ERG: variants seen among roughly 807,000 people sequenced by gnomAD.
ERG encodes the protein ETS transcription factor ERG, also known as transcriptional regulator ERG.
Under a neutral mutation model 55.3 loss-of-function variants are expected in ERG, and 9 were observed. The ratio of observed to expected loss-of-function variants is 0.16; its 90% CI spans 0.10 to 0.28. The LOEUF is 0.28. Among genes scored for constraint, ERG ranks in the 10% least tolerant of loss-of-function variants. The probability of loss-of-function intolerance (pLI) is 1.00; values close to 1 mark genes in which losing one functional copy is unlikely to be tolerated. For missense variants in ERG, 434 were observed against 631.6 expected (o/e 0.69, Z 3.35); for synonymous variants, 223 against 237.3 (o/e 0.94, Z 0.55).
rs73440499 is a variant in ERG, at chr21:38,614,545, C to T, written c.-149-29600G>A. 3.2e-3 allele frequency among the ~76,000 whole-genome samples: 488 copies of T among 152,094 alleles called. 5 individuals are homozygous for T. Among genetic ancestry groups the T allele is most frequent in the African/African-American group, 0.011 (452 of 41,500 alleles). On this transcript the variant is annotated intron_variant, in intron 1 of 10. Coordinates refer to the ERG transcript ENST00000398910. ...AAGTTGGCAGGCAGTGGCTAGAAGG[C>T]GACTGGGATGGATGAATGGCTTCCT...
intron 2 of ERG, among the ~76,000 whole-genome samples, chr21:38,529,489 G>C (rs1222551946): frequency 1.3e-5 from 2 of 152,150 alleles, no homozygotes; most frequent in African/African-American, 2.4e-5. Context: ...AAACCCCTGA[G>C]TAAATGGTTA....
chr21:38,614,921 G>C lies in ERG; in HGVS notation c.-149-29976C>G, dbSNP rs1046032082. On this transcript the variant is annotated intron_variant, in intron 1 of 10. Transcript: ENST00000398910. ...TCTGGGGGAAGCCCAAGATTGTCCG[G>C]CTCTACTCAGCACAAATGTGTAAGT... Among the ~76,000 whole-genome samples, 4 of 152,204 alleles carry C rather than the reference G, an allele frequency of 2.6e-5. No individual in the cohort carries two copies. The East Asian group carries it at 5.8e-4, about 22-fold the overall frequency.
rs1387473610 is a variant in ERG, at chr21:38,383,320, C to T, written c.*83G>A. On this transcript the variant is annotated 3_prime_UTR_variant, in exon 10 of 10. Transcript: ENST00000288319. This position sits in a 1 kb window ranked among gnomAD's most constrained non-coding sequence, Gnocchi z 5.7. ...AAAGCTTTTTTCATTCCTCTTGAGG[C>T]ACTTTTGATTCATGTTCTCCGATAG... 5.9e-6 allele frequency: 8 copies of T among 1,357,538 alleles called. No homozygotes were observed. The Admixed American group carries it at 9.4e-5, about 16-fold the overall frequency. 84.1% of individuals were successfully genotyped at this position (1,357,538 alleles called of 1,614,324 possible).
At chr21:38,534,445 A>G (rs1164576130) in intron 2 of ERG, among the ~76,000 whole-genome samples, 1 of 152,208 alleles carries the variant, frequency 6.6e-6, no homozygotes, top group Non-Finnish European at 1.5e-5. Flanking sequence ...ATTTTAAAAA[A>G]GCATTGACTG....
chr21:38,566,568 A>G (rs765583718), intron 2 of ERG, among the ~76,000 whole-genome samples: 12 of 152,212 alleles, frequency 7.9e-5, no homozygotes, highest in Non-Finnish European at 1.3e-4. Flanking sequence ...TCTGGGCTCT[A>G]TGACACCAAA....
chr21:38,393,472 G>T (rs1443400760), intron 6 of ERG, among the ~76,000 whole-genome samples: 1 of 152,140 alleles, frequency 6.6e-6, no homozygotes, highest in Non-Finnish European at 1.5e-5. Context: ...GTGTCATTCT[G>T]GGCCAAGTGA....
chr21:38,405,219 T>C (rs1988708173), intron 3 of ERG, among the ~76,000 whole-genome samples: 1 of 152,192 alleles, frequency 6.6e-6, no homozygotes, highest in African/African-American at 2.4e-5. Context: ...ACATATATTG[T>C]TTTGTGTTTT....
At position 38,641,909 on chromosome 21, in the gene ERG, C is replaced by T. The variant is rs192477274; in HGVS notation, c.-150+19749G>A. On this transcript the variant is annotated intron_variant, in intron 1 of 10. Coordinates refer to the ERG transcript ENST00000398910. ...TGTGAGAATACTGATTCCTGGGCCC[C>T]ACCCCAAGACAGCCTGATTCAATTG... Among the ~76,000 whole-genome samples the T allele has an allele frequency of 2.6e-4, 40 of 152,270 alleles. 1 individual carries two copies. The highest frequency in any genetic ancestry group is 8.7e-4 in the African/African-American group (36 of 41,562).
At chr21:38,602,867 C>A (rs566321569) in intron 1 of ERG, among the ~76,000 whole-genome samples, 1 of 151,846 alleles carries the variant, frequency 6.6e-6, no homozygotes, top group African/African-American at 2.4e-5. Flanking sequence ...AAGAAAAAAA[C>A]GACGATTCCA....
At position 38,613,300 on chromosome 21, in the gene ERG, C is replaced by T. The variant is rs546230868; in HGVS notation, c.-149-28355G>A. Among the ~76,000 whole-genome samples, 24 of 152,336 alleles carry T rather than the reference C, an allele frequency of 1.6e-4. No individual in the cohort carries two copies. The South Asian group carries it at 5.0e-3, about 32-fold the overall frequency. On this transcript the variant is annotated intron_variant, in intron 1 of 10. Coordinates refer to the ERG transcript ENST00000398910. ...TTTTCTGAACGAAAGTTAGCACACGCGGCCCCTTTCCAGTCTACAGTTGAC... is the reference window on the plus strand; with the variant it reads ...TTTTCTGAACGAAAGTTAGCACACGTGGCCCCTTTCCAGTCTACAGTTGAC...
At chr21:38,573,264 G>T (rs1351134298) in intron 2 of ERG, among the ~76,000 whole-genome samples, 1 of 152,230 alleles carries the variant, frequency 6.6e-6, no homozygotes, top group African/African-American at 2.4e-5. Flanking sequence ...GGCCTCGTGG[G>T]ATGAGAAAGA....
chr21:38,509,714 A>G (rs963382260), intron 2 of ERG, among the ~76,000 whole-genome samples: 2 of 152,166 alleles, frequency 1.3e-5, no homozygotes, highest in African/African-American at 4.8e-5. Flanking sequence ...TACTTTCCCA[A>G]GGAGATGTGA....
chr21:38,513,638 C>T (rs2059530891), intron 2 of ERG, among the ~76,000 whole-genome samples: 1 of 152,116 alleles, frequency 6.6e-6, no homozygotes, highest in Non-Finnish European at 1.5e-5. Flanking sequence ...TTGAACAAGG[C>T]TTGGTTCTGC....
chr21:38,504,022 G>A (rs2059441545), intron 2 of ERG, among the ~76,000 whole-genome samples: 2 of 152,154 alleles, frequency 1.3e-5, no homozygotes, highest in South Asian at 4.1e-4. Flanking sequence ...GTGAGTGTGT[G>A]TATGAGGGTG....
chr21:38,506,247 C>T (rs1377631758), intron 2 of ERG, among the ~76,000 whole-genome samples: 1 of 152,090 alleles, frequency 6.6e-6, no homozygotes. Context: ...TCAATATGTT[C>T]CCAAATGTGA....
rs142513011 is a variant in ERG at position 38,544,208 on chromosome 21, G to T, written c.-41+31454C>A. On this transcript the variant is annotated intron_variant, in intron 2 of 8. Coordinates refer to the ERG transcript ENST00000398897. ...AGGAATACCAAGAATGTTTGTGTGG[G>T]CAGAGCAGAAAGAACCAAGGGTAAA... Among the ~76,000 whole-genome samples, 442 of 152,328 alleles carry T rather than the reference G, an allele frequency of 2.9e-3. 4 individuals are homozygous for T. Among genetic ancestry groups the T allele is most frequent in the African/African-American group, 0.01 (416 of 41,572 alleles).
rs535935493 is a variant in ERG, at chr21:38,520,193, G to C, written c.-41+55469C>G. Among the ~76,000 whole-genome samples the C allele has an allele frequency of 3.3e-5, 5 of 152,292 alleles. No homozygotes were observed. In the South Asian group the frequency reaches 1.0e-3, roughly 32 times the overall value. ...CAATTCACTGCAAGGAAGGAACACA[G>C]AGCTTAGATATGAAGCATCAGGAGT... On this transcript the variant is annotated intron_variant, in intron 2 of 8. Transcript: ENST00000398897.
At chr21:38,524,929 C>G (rs1461135181) in intron 2 of ERG, among the ~76,000 whole-genome samples, 1 of 152,118 alleles carries the variant, frequency 6.6e-6, no homozygotes, top group Non-Finnish European at 1.5e-5. Context: ...GAAATACTTC[C>G]TAAAGCAAAC....
At chr21:38,622,948 CACACACAT>C (rs1348736136) in intron 1 of ERG, among the ~76,000 whole-genome samples, 21 of 3,348 alleles carry the variant, frequency 6.3e-3, no homozygotes, top group East Asian at 0.041. Flanking sequence ...CACACACACA[CACACACAT>C]CAGCACACAC....
Sources: allele counts gnomAD v4.1 joint callset (sites outside exome capture counted in the v4.1 genomes callset), GRCh38; gene constraint gnomAD v4.1.1; non-coding constraint Gnocchi (gnomAD v3.1); transcripts MANE v1.5; gene names NCBI Gene and HGNC (gene_info 2026-07-23, HGNC 2026-07-21).